The following DISC1 variants were observed in gnomAD, a reference collection of about 807,000 sequenced individuals.
DISC1 encodes the protein disrupted in schizophrenia 1 protein.
In DISC1, 57 loss-of-function variants were observed where a neutral mutation model predicts 84.5. The observed-to-expected ratio is 0.67, with a 90% CI of 0.55 to 0.84. The LOEUF is 0.84. Ranked by LOEUF, DISC1 falls within the 40% of genes least tolerant of loss-of-function variation. The pLI, the probability that DISC1 is intolerant of heterozygous loss-of-function variation, is 0.00. For missense variants in DISC1, 1,000 were observed against 1,057.8 expected (o/e 0.95, Z 0.76); for synonymous variants, 411 against 415.2 (o/e 0.99, Z 0.12).
intron 1 of DISC1, among the ~76,000 whole-genome samples, chr1:231,673,163 G>A (rs2062786264): frequency 6.6e-6 from 1 of 152,158 alleles, no homozygotes. Flanking sequence ...ATCTGAACTT[G>A]AATCTGTTTT....
intron 1 of DISC1, among the ~76,000 whole-genome samples, chr1:231,632,679 T>A (rs1391874985): frequency 2.0e-5 from 3 of 152,240 alleles, no homozygotes; most frequent in Admixed American, 2.0e-4. Context: ...CATTAAGTTG[T>A]GTTTCATTTC....
intron 10 of DISC1, among the ~76,000 whole-genome samples, chr1:231,973,273 C>T (rs1572426175): frequency 6.6e-6 from 1 of 152,110 alleles, no homozygotes; most frequent in Non-Finnish European, 1.5e-5. Context: ...GTCTCGAACT[C>T]CTGACCTCGT....
chr1:231,945,787 A>T (rs892870947), intron 9 of DISC1, among the ~76,000 whole-genome samples: 2 of 152,228 alleles, frequency 1.3e-5, no homozygotes, highest in Non-Finnish European at 1.5e-5. Flanking sequence ...GGATATCACC[A>T]CCTATCCCAC....
Position 231,863,972 on chromosome 1 carries a change from G to A in DISC1, c.1981+45455G>A, listed in dbSNP as rs190074631. On this transcript the variant is annotated intron_variant, in intron 9 of 12. Transcript: ENST00000439617. Reference sequence around the variant, plus strand: ...ATGCCCTTTGCTCTTGCACTGGGGAGTTCTGTTTAGTGCCTTTCCACACAA... The same window carrying A: ...ATGCCCTTTGCTCTTGCACTGGGGAATTCTGTTTAGTGCCTTTCCACACAA... 5.2e-3 allele frequency among the ~76,000 whole-genome samples: 793 copies of A among 152,300 alleles called. 9 individuals are homozygous for A. The highest frequency in any genetic ancestry group is 0.018 in the African/African-American group (765 of 41,572).
intron 9 of DISC1, among the ~76,000 whole-genome samples, chr1:231,856,092 G>A (rs1294467247): frequency 6.6e-6 from 1 of 152,210 alleles, no homozygotes; most frequent in African/African-American, 2.4e-5. Context: ...CAAGCTGTGT[G>A]AGCCTAAACA....
At chr1:231,633,237 A>G (rs1225625608) in intron 1 of DISC1, among the ~76,000 whole-genome samples, 1 of 152,248 alleles carries the variant, frequency 6.6e-6, no homozygotes, top group Non-Finnish European at 1.5e-5. Flanking sequence ...TGACAGCCAC[A>G]CATTAGAAAG....
intron 10 of DISC1, chr1:231,959,409 T>C (rs1660075211): frequency 3.0e-6 from 3 of 985,782 alleles, no homozygotes; most frequent in Middle Eastern, 5.2e-4. Flanking sequence ...ACAAGATGTT[T>C]CTGGCTTTTG....
chr1:231,665,235 G>A (rs1159719557), intron 1 of DISC1, among the ~76,000 whole-genome samples: 3 of 152,268 alleles, frequency 2.0e-5, no homozygotes, highest in Non-Finnish European at 4.4e-5. Context: ...GATGCTAACC[G>A]TCTGCACATG....
intron 3 of DISC1, among the ~76,000 whole-genome samples, chr1:231,724,473 T>C (rs559557921): frequency 1.2e-4 from 18 of 152,316 alleles, no homozygotes; most frequent in African/African-American, 4.3e-4. Flanking sequence ...GGTGATTGTC[T>C]TGAAGCCCTT....
intron 1 of DISC1, among the ~76,000 whole-genome samples, chr1:231,632,301 T>C (rs1207480200): frequency 6.6e-6 from 1 of 152,198 alleles, no homozygotes; most frequent in African/African-American, 2.4e-5. Context: ...CACATTATTT[T>C]TCTCATGTCA....
chr1:231,697,315 T>G (rs2065841831), intron 2 of DISC1, among the ~76,000 whole-genome samples: 1 of 152,240 alleles, frequency 6.6e-6, no homozygotes, highest in African/African-American at 2.4e-5. Flanking sequence ...AATTTAAGTT[T>G]CAGCTTCTTC....
At chr1:231,700,666 T>C (rs1280318761) in intron 2 of DISC1, among the ~76,000 whole-genome samples, 1 of 152,208 alleles carries the variant, frequency 6.6e-6, no homozygotes, top group Non-Finnish European at 1.5e-5. Context: ...TTGCCTAGAA[T>C]GTAAGTCTGG....
At chr1:231,743,263 TG>T (rs1320825445) in intron 3 of DISC1, among the ~76,000 whole-genome samples, 1 of 152,240 alleles carries the variant, frequency 6.6e-6, no homozygotes, top group African/African-American at 2.4e-5. Flanking sequence ...TGATGCTAAT[TG>T]CTTTGCATAG....
chr1:231,747,982 A>G (rs1224924578), intron 3 of DISC1, among the ~76,000 whole-genome samples: 1 of 151,908 alleles, frequency 6.6e-6, no homozygotes, highest in Non-Finnish European at 1.5e-5. Context: ...AGGTATTTTA[A>G]TATTTTTGTA....
rs1553361172 is a variant in DISC1 at position 231,814,977 on chromosome 1, A to AATATAAG, written c.1793-3345_1793-3339dup. On this transcript the variant is annotated intron_variant, in intron 8 of 12. Coordinates refer to ENST00000439617, the MANE Select transcript of DISC1 (RefSeq NM_018662.3). Reference sequence around the variant, plus strand: ...TAATAATAATAATAATAATAATAATAATATAAGATATAACCTGTTTCCTAA... The same window carrying AATATAAG: ...TAATAATAATAATAATAATAATAATAATATAAGATATAAGATATAACCTGTTTCCTAA... 4.1e-5 allele frequency: 6 copies of AATATAAG among 146,222 alleles called. No individual in the cohort carries two copies. The East Asian group carries it at 9.8e-4, about 24-fold the overall frequency. The allele number at this position is 146,222 out of a possible 1,614,324, so 9.1% of individuals were successfully genotyped here.
At chr1:231,783,670 C>G (rs2077600009) in intron 6 of DISC1, among the ~76,000 whole-genome samples, 2 of 152,140 alleles carry the variant, frequency 1.3e-5, no homozygotes, top group African/African-American at 4.8e-5. Flanking sequence ...TGATGTCAGG[C>G]AGAGCTTCCC....
At chr1:231,856,861 A>G (rs906474620) in intron 9 of DISC1, among the ~76,000 whole-genome samples, 1 of 152,216 alleles carries the variant, frequency 6.6e-6, no homozygotes, top group African/African-American at 2.4e-5. Flanking sequence ...TTCCAAAGAA[A>G]GAAGCAGTAA....
chr1:231,875,475 T>C (rs2085813211), intron 9 of DISC1, among the ~76,000 whole-genome samples: 1 of 152,202 alleles, frequency 6.6e-6, no homozygotes, highest in Admixed American at 6.5e-5. Context: ...TTTGAAATCA[T>C]GAGCAGTATT....
chr1:231,726,563 C>A (rs2070737806), intron 3 of DISC1, among the ~76,000 whole-genome samples: 1 of 152,132 alleles, frequency 6.6e-6, no homozygotes, highest in African/African-American at 2.4e-5. Context: ...CAGGGAAAGC[C>A]CCTCCTCATG....
Sources: allele counts gnomAD v4.1 joint callset (sites outside exome capture counted in the v4.1 genomes callset), GRCh38; gene constraint gnomAD v4.1.1; transcripts MANE v1.5; gene names NCBI Gene and HGNC (gene_info 2026-07-23, HGNC 2026-07-21).